CCT2: variants seen among roughly 807,000 people sequenced by gnomAD.
CCT2 encodes T-complex protein 1 subunit beta.
In CCT2, 18 loss-of-function variants were observed where a neutral mutation model predicts 61.8. The observed-to-expected ratio is 0.29, with a 90% CI of 0.20 to 0.43. The LOEUF (loss-of-function observed/expected upper bound fraction) is 0.43. Ranked by LOEUF, CCT2 falls within the 20% of genes least tolerant of loss-of-function variation. The pLI is 1.00. For synonymous variants in CCT2, 248 were observed against 215.9 expected, an observed-to-expected ratio of 1.15 and a Z score of -1.30; for missense variants, 556 against 656.9, an observed-to-expected ratio of 0.85 and a Z score of 1.68.
At chr12:69,593,308 TAAAG>T (rs532721380) in intron 9 of CCT2, among the ~76,000 whole-genome samples, 198 bp from the exon 10 acceptor site, 55 of 152,352 alleles carry the variant, frequency 3.6e-4, no homozygotes, top group Non-Finnish European at 6.6e-4. Flanking sequence ...GTTACTATAA[TAAAG>T]AACACTTCTT....
At chr12:69,586,926 A>G in intron 3 of CCT2, 108 bp downstream of exon 3, 1 of 671,648 alleles carries the variant, frequency 1.5e-6, no homozygotes, top group Non-Finnish European at 2.4e-6. Context: ...ACGTTTAATT[A>G]TAAAAGACAA....
At chr12:69,586,909 C>A (rs1036509241) in intron 3 of CCT2, 91 bp downstream of exon 3, 10 of 768,448 alleles carry the variant, frequency 1.3e-5, no homozygotes, top group Admixed American at 2.7e-5. Context: ...GCTTTTTAAT[C>A]TTTAAAACGT....
In CCT2 at chr12:69,587,498, C is replaced by T. The variant is rs1881700904; in HGVS notation, c.145-7C>T. ...GTCTTAACTTGAACCAATTATGTTC[C>T]CTTTAGGACAAAATTCTTCTAAGCA... is the stretch of plus-strand genomic sequence containing the variant. On this transcript the variant is annotated splice_region_variant and splice_polypyrimidine_tract_variant and intron_variant, in intron 3 of 15. Transcript: ENST00000299300. 1.3e-6 allele frequency: 2 copies of T among 1,539,664 alleles called. No individual in the cohort carries two copies. Among genetic ancestry groups the T allele is most frequent in the Non-Finnish European group, 1.8e-6 (2 of 1,112,880 alleles).
intron 7 of CCT2, 61 bp from the exon 8 acceptor site, chr12:69,591,998 T>A: frequency 1.1e-6 from 1 of 948,134 alleles, no homozygotes; most frequent in Non-Finnish European, 1.7e-6. Flanking sequence ...CAGCTTTTTA[T>A]AAGATTTACT....
chr12:69,592,313 TAAAA>T (rs201121457), intron 8 of CCT2, 154 bp downstream of exon 8: 3 of 339,996 alleles, frequency 8.8e-6, no homozygotes, highest in Non-Finnish European at 1.6e-5. Flanking sequence ...CTGTCTCTAC[TAAAA>T]AAAAAAAAAT....
At chr12:69,600,905 G>A (rs1282847598) in intron 15 of CCT2, among the ~76,000 whole-genome samples, 1 of 152,162 alleles carries the variant, frequency 6.6e-6, no homozygotes, top group Non-Finnish European at 1.5e-5. Context: ...AAGAATAAAA[G>A]ATGAGAATAG....
chr12:69,599,921 A>G lies in CCT2; in HGVS notation c.1494A>G (p.Gln498=), dbSNP rs1882101377. Residue 498 remains glutamine, a synonymous_variant, in exon 15 of 16, where the codon CAA becomes CAG. Coordinates refer to ENST00000299300, the MANE Select transcript of CCT2 (RefSeq NM_006431.3). ...TCCTGGGTATAACAGAAAGTTTTCA[A>G]GTGAAGCGACAGGTTCTTCTGAGTG... The part of the protein sequence containing the change: ...MAILGITESF[Q]VKRQVLLSAA... The G allele has an allele frequency of 6.2e-7, 1 of 1,614,040 alleles. No homozygotes were observed. Among genetic ancestry groups the G allele is most frequent in the Non-Finnish European group, 8.5e-7 (1 of 1,179,908 alleles).
chr12:69,586,088 C>T, intron 1 of CCT2, 182 bp from the exon 2 acceptor site: 1 of 1,239,700 alleles, frequency 8.1e-7, no homozygotes, highest in African/African-American at 1.5e-5. Flanking sequence ...TGTCGCTCTC[C>T]TACAAGTCCC....
chr12:69,586,091 C>T, intron 1 of CCT2, 179 bp from the exon 2 acceptor site: 2 of 1,235,918 alleles, frequency 1.6e-6, no homozygotes, highest in Non-Finnish European at 2.2e-6. Context: ...CGCTCTCCTA[C>T]AAGTCCCTCT....
intron 13 of CCT2, 74 bp from the exon 14 acceptor site, chr12:69,598,248 G>C: frequency 1.7e-6 from 2 of 1,168,544 alleles, no homozygotes; most frequent in Non-Finnish European, 2.5e-6. Flanking sequence ...ATTTTAAAAA[G>C]CTATCCTAGT....
Position 69,600,023 on chromosome 12 carries a change from C to T in CCT2, c.1577+19C>T. On this transcript the variant is annotated intron_variant, in intron 15 of 15. Coordinates refer to ENST00000299300, the MANE Select transcript of CCT2 (RefSeq NM_006431.3). Reference sequence around the variant, plus strand: ...CACCCAGGTACCCTAACACTTTTCTCAGAAAAAATTACTAACAGCAAAACA... The same window carrying T: ...CACCCAGGTACCCTAACACTTTTCTTAGAAAAAATTACTAACAGCAAAACA... 6.3e-7 allele frequency: 1 copy of T among 1,583,490 alleles called. No individual in the cohort carries two copies. The highest frequency in any genetic ancestry group is 8.6e-7 in the Non-Finnish European group (1 of 1,167,568).
rs767808725 is a variant in CCT2, at chr12:69,595,205, CG to C, written c.982+1593del. ...CTCATCCCAGAATGATCTCTTAAGA[CG>C]TTTTTTTTAATCATTTGAGAAGCAT... On this transcript the variant is annotated intron_variant, in intron 10 of 15. Transcript: ENST00000299300. Among the ~76,000 whole-genome samples, 13 of 152,194 alleles carry C rather than the reference CG, an allele frequency of 8.5e-5. No individual in the cohort carries two copies. In the East Asian group the frequency reaches 1.4e-3, roughly 16 times the overall value.
chr12:69,595,548 C>T (rs986829807), intron 10 of CCT2, among the ~76,000 whole-genome samples: 3 of 151,822 alleles, frequency 2.0e-5, no homozygotes, highest in African/African-American at 7.3e-5. Flanking sequence ...ATTAGCCAGG[C>T]GTGGTGGTGG....
In CCT2 at chr12:69,592,664, G is replaced by A. The variant is rs531323250; in HGVS notation, c.751-312G>A. 6.5e-5 allele frequency: 16 copies of A among 244,522 alleles called. No homozygotes were observed. The Admixed American group carries it at 6.6e-4, about 10-fold the overall frequency. The allele number at this position is 244,522 out of a possible 1,614,324, so 15.1% of individuals were successfully genotyped here. A position where few individuals can be genotyped will look rare whatever the true frequency, so the allele number is the denominator to read the frequency against. On this transcript the variant is annotated intron_variant, in intron 8 of 15. Transcript: ENST00000299300. ...AATGAGGCCTGGCGTGGTGGTTCACGCCTGTAATCCCAGTACTTTGGGAGG... is the reference window on the plus strand; with the variant it reads ...AATGAGGCCTGGCGTGGTGGTTCACACCTGTAATCCCAGTACTTTGGGAGG...
In CCT2 at chr12:69,597,776, T is replaced by C; in HGVS notation, c.1231+10T>C. ...ACAGTTTATGGAGGAGGTAAGCATTTAGAAAATGTTGAATATATTTTTAAT... is the reference window on the plus strand; with the variant it reads ...ACAGTTTATGGAGGAGGTAAGCATTCAGAAAATGTTGAATATATTTTTAAT... On this transcript the variant is annotated intron_variant, in intron 12 of 15. Transcript: ENST00000299300. 1 of 1,598,950 alleles carries C rather than the reference T, an allele frequency of 6.3e-7. No individual in the cohort carries two copies. Among genetic ancestry groups the C allele is most frequent in the Non-Finnish European group, 8.5e-7 (1 of 1,171,832 alleles).
intron 7 of CCT2, among the ~76,000 whole-genome samples, chr12:69,590,044 G>A (rs1235194947): frequency 6.6e-6 from 1 of 152,222 alleles, no homozygotes. Flanking sequence ...TGTGTTAGCT[G>A]GTTGTTGAGG....
At chr12:69,592,614 T>C (rs917032086) in intron 8 of CCT2, 3 of 194,982 alleles carry the variant, frequency 1.5e-5, no homozygotes, top group South Asian at 1.1e-4. Context: ...TGTTGAAATA[T>C]GCTATGGGAC....
rs1188745733 is a variant in CCT2 at position 69,601,469 on chromosome 12, C to T, written c.*144C>T. 2.6e-6 allele frequency: 4 copies of T among 1,540,508 alleles called. No homozygotes were observed. The highest frequency in any genetic ancestry group is 3.5e-6 in the Non-Finnish European group (4 of 1,144,806). ...GATATTTAGCTGACCTTCGCTTTAA[C>T]ATAGGTCTAATTTATTTGCCGTGTC... On this transcript the variant is annotated 3_prime_UTR_variant, in exon 16 of 16. Transcript: ENST00000299300.
In CCT2 at chr12:69,589,663, T is replaced by C. The variant is rs771623579; in HGVS notation, c.625T>C (p.Leu209=). Residue 209 remains leucine, a synonymous_variant, in exon 7 of 16, where the codon TTG becomes CTG. Transcript: ENST00000299300. ...TATTATCAAGAAGCTAGGAGGAAGT[T>C]TGGCAGATTCCTATTTAGATGAAGG... is the stretch of plus-strand genomic sequence containing the variant. ...IHIIKKLGGS[L]ADSYLDEGFL... The C allele has an allele frequency of 4.3e-6, 7 of 1,613,230 alleles. No homozygotes were observed. In the Admixed American group the frequency reaches 1.2e-4, roughly 27 times the overall value.
Sources: allele counts gnomAD v4.1 joint callset (sites outside exome capture counted in the v4.1 genomes callset), GRCh38; gene constraint gnomAD v4.1.1; transcripts MANE v1.5; gene names NCBI Gene and HGNC (gene_info 2026-07-23, HGNC 2026-07-21).